Variants in PTPN3 observed in about 807,000 individuals in gnomAD.
The protein encoded by PTPN3 is protein tyrosine phosphatase non-receptor type 3, also known as tyrosine-protein phosphatase non-receptor type 3.
PTPN3 carries 96 observed loss-of-function variants against 132.7 expected under a neutral mutation model. The ratio of observed to expected loss-of-function variants is 0.72; its 90% confidence interval spans 0.61 to 0.86. The LOEUF (loss-of-function observed/expected upper bound fraction) is 0.86, where lower values mean the gene tolerates loss of function less well. Among genes scored for constraint, PTPN3 ranks in the 40% least tolerant of loss-of-function variants. The probability of loss-of-function intolerance (pLI) is 0.00; values close to 1 mark genes in which losing one functional copy is unlikely to be tolerated. For missense variants in PTPN3, 1,125 were observed against 1,159.6 expected (o/e 0.97, Z 0.43); for synonymous variants, 398 against 429.0 (o/e 0.93, Z 0.89).
chr9:109,504,756 G>C, the PTPN3 span, among the ~76,000 whole-genome samples: 20 of 152,284 alleles, frequency 1.3e-4, no homozygotes, highest in East Asian at 2.3e-3. Flanking sequence ...TAAGTGTAGG[G>C]ACTTTAAGAT....
chr9:109,517,699 T>C, the PTPN3 span, among the ~76,000 whole-genome samples: 1 of 152,172 alleles, frequency 6.6e-6, no homozygotes, highest in Non-Finnish European at 1.5e-5. Context: ...ATGGAAACCA[T>C]AATTTGGGGA....
At chr9:109,424,786 A>G (rs1843123145) in intron 12 of PTPN3, among the ~76,000 whole-genome samples, 1 of 152,250 alleles carries the variant, frequency 6.6e-6, no homozygotes, top group Non-Finnish European at 1.5e-5. Flanking sequence ...CTGACTCACA[A>G]AGTCATGAGA....
the PTPN3 span, among the ~76,000 whole-genome samples, chr9:109,516,381 G>A: frequency 6.6e-6 from 1 of 152,206 alleles, no homozygotes; most frequent in Non-Finnish European, 1.5e-5. Context: ...CTGTCTGGTG[G>A]GTTAGAGAAG....
At chr9:109,382,492 G>A (rs1478388005) in intron 23 of PTPN3, 45 bp from the exon 24 acceptor site, 1 of 1,608,404 alleles carries the variant, frequency 6.2e-7, no homozygotes, top group African/African-American at 1.3e-5. Context: ...CAGGTGGTGA[G>A]CATGAGGACC....
At chr9:109,386,693 G>T (rs1490742609) in intron 22 of PTPN3, among the ~76,000 whole-genome samples, 1 of 152,136 alleles carries the variant, frequency 6.6e-6, no homozygotes, top group African/African-American at 2.4e-5. Flanking sequence ...ATGTACCCAG[G>T]GAACGACAGA....
intron 7 of PTPN3, among the ~76,000 whole-genome samples, chr9:109,442,840 A>G (rs1844586160): frequency 6.6e-6 from 1 of 152,190 alleles, no homozygotes; most frequent in Non-Finnish European, 1.5e-5. Context: ...TCGGGCAGGT[A>G]CAAGTGGAAA....
At chr9:109,461,350 C>T (rs1845834714) in intron 2 of PTPN3, among the ~76,000 whole-genome samples, 2 of 152,140 alleles carry the variant, frequency 1.3e-5, no homozygotes, top group South Asian at 4.2e-4. Context: ...ACATCTTTAA[C>T]ACACATCGTA....
At chr9:109,437,632 G>A (rs146999435) in intron 8 of PTPN3, among the ~76,000 whole-genome samples, 143 of 152,288 alleles carry the variant, frequency 9.4e-4, no homozygotes, top group South Asian at 3.1e-3. Context: ...CAACAAATAC[G>A]CAGGGGCAAC....
chr9:109,515,315 A>G, the PTPN3 span, among the ~76,000 whole-genome samples: 1 of 152,162 alleles, frequency 6.6e-6, no homozygotes, highest in African/African-American at 2.4e-5. Context: ...ATGAGCCACC[A>G]TGCCTAGCAC....
intron 1 of PTPN3, among the ~76,000 whole-genome samples, chr9:109,483,349 A>AAG (rs1847053546): frequency 6.6e-6 from 1 of 152,184 alleles, no homozygotes; most frequent in Admixed American, 6.5e-5. Flanking sequence ...CCTTTTGATC[A>AAG]CAGGCTTTAC....
chr9:109,382,283 A>C lies in PTPN3; in HGVS notation c.2528+19T>G. The C allele has an allele frequency of 6.2e-7, 1 of 1,612,512 alleles. No homozygotes were observed. Among genetic ancestry groups the C allele is most frequent in the Non-Finnish European group, 8.5e-7 (1 of 1,178,956 alleles). On this transcript the variant is annotated intron_variant, in intron 24 of 25. Transcript: ENST00000374541. ...ACAGGGAAAGGATTCCAAACCTAAC[A>C]AAACAGCAAGCGCCATACCTGCAGT... is the stretch of plus-strand genomic sequence containing the variant.
At chr9:109,418,674 G>A (rs1437436842) in intron 14 of PTPN3, among the ~76,000 whole-genome samples, 1 of 152,216 alleles carries the variant, frequency 6.6e-6, no homozygotes, top group Non-Finnish European at 1.5e-5. Flanking sequence ...TGTCCAAGAT[G>A]GAGGCCAACA....
Position 109,481,427 on chromosome 9 carries a change from G to C in PTPN3, c.-18+16792C>G, listed in dbSNP as rs533483187. Among the ~76,000 whole-genome samples, 27 of 152,232 alleles carry C rather than the reference G, an allele frequency of 1.8e-4. No individual in the cohort carries two copies. In the South Asian group the frequency reaches 4.6e-3, roughly 26 times the overall value. On this transcript the variant is annotated intron_variant, in intron 1 of 25. Transcript: ENST00000374541. ...CCTAGATCTCATTCTGCTCCACCAGGGTCTCATGCTTCTCTGGCTGTTCCC... is the reference window on the plus strand; with the variant it reads ...CCTAGATCTCATTCTGCTCCACCAGCGTCTCATGCTTCTCTGGCTGTTCCC...
At chr9:109,538,356 C>T in the PTPN3 span, among the ~76,000 whole-genome samples, 14 of 152,204 alleles carry the variant, frequency 9.2e-5, no homozygotes, top group African/African-American at 3.1e-4. Context: ...AAGCTAAAGT[C>T]TGTCTTGGAA....
At chr9:109,498,339 C>G (rs1041557107), upstream of PTPN3, 6 of 146,304 alleles carry the variant, frequency 4.1e-5, no homozygotes, top group Non-Finnish European at 7.6e-5. This position sits in a 1 kb window ranked among gnomAD's most constrained non-coding sequence, Gnocchi z 4.2. Flanking sequence ...CGGGCGGTTC[C>G]CGCCGGCCGG....
At chr9:109,405,814 G>A (rs1054292452) in intron 18 of PTPN3, among the ~76,000 whole-genome samples, 3 of 152,190 alleles carry the variant, frequency 2.0e-5, no homozygotes, top group African/African-American at 7.2e-5. Flanking sequence ...TTGAACTCCT[G>A]ACCTCAAGTG....
chr9:109,519,955 C>T, the PTPN3 span, among the ~76,000 whole-genome samples: 3 of 152,060 alleles, frequency 2.0e-5, no homozygotes, highest in Admixed American at 6.5e-5. Flanking sequence ...GTCAGGAGAT[C>T]GAGACCATCC....
At chr9:109,527,857 C>T in the PTPN3 span, among the ~76,000 whole-genome samples, 3 of 152,138 alleles carry the variant, frequency 2.0e-5, no homozygotes, top group African/African-American at 4.8e-5. Context: ...ATTAGCAATA[C>T]ACATATATCC....
the PTPN3 span, among the ~76,000 whole-genome samples, chr9:109,520,251 A>G: frequency 6.6e-6 from 1 of 152,030 alleles, no homozygotes; most frequent in Admixed American, 6.6e-5. Flanking sequence ...GCGCCATTGC[A>G]TTTTCCCCAG....
Sources: allele counts gnomAD v4.1 joint callset (sites outside exome capture counted in the v4.1 genomes callset), GRCh38; gene constraint gnomAD v4.1.1; non-coding constraint Gnocchi (gnomAD v3.1); transcripts MANE v1.5; gene names NCBI Gene and HGNC (gene_info 2026-07-23, HGNC 2026-07-21).